KCP: variants seen among roughly 807,000 people sequenced by gnomAD.
KCP encodes the protein kielin cysteine rich BMP regulator.
In KCP, 194 loss-of-function variants were observed where a neutral mutation model predicts 212.7. The observed-to-expected ratio is 0.91, with a 90% CI of 0.81 to 1.03. The LOEUF is 1.03. Ranked by LOEUF, KCP falls within the 50% of genes least tolerant of loss-of-function variation. The pLI is 0.00. For missense variants in KCP, 2,080 were observed against 2,162.5 expected (o/e 0.96, Z 0.76); for synonymous variants, 833 against 865.3 (o/e 0.96, Z 0.65).
At chr7:128,900,750 A>AAG in intron 8 of KCP, among the ~76,000 whole-genome samples, 1 of 152,216 alleles carries the variant, frequency 6.6e-6, no homozygotes, top group Non-Finnish European at 1.5e-5. Context: ...CCCTGAACAC[A>AAG]AGAGAGAGAG....
intron 5 of KCP, among the ~76,000 whole-genome samples, chr7:128,905,685 C>G (rs1473231177): frequency 1.3e-5 from 2 of 152,238 alleles, no homozygotes; most frequent in Admixed American, 1.3e-4. Context: ...CAATACCCCC[C>G]ACTGCCCATA....
At chr7:128,891,149 C>G in intron 19 of KCP, 36 bp downstream of exon 19, 1 of 1,538,686 alleles carries the variant, frequency 6.5e-7, no homozygotes, top group Middle Eastern at 1.8e-4. Context: ...CCGAGGGGAC[C>G]CCCAGGGAGG....
intron 8 of KCP, among the ~76,000 whole-genome samples, chr7:128,900,755 A>G (rs1794797070): frequency 6.6e-6 from 1 of 152,218 alleles, no homozygotes; most frequent in Non-Finnish European, 1.5e-5. Context: ...AACACAAGAG[A>G]GAGAGACCCT....
rs888447081 is a variant in KCP at position 128,894,228 on chromosome 7, G to A, written c.897C>T (p.Leu299=). Residue 299 remains leucine, a synonymous_variant, in exon 9 of 40, where the codon CTC becomes CTT. Coordinates refer to ENST00000610776, the MANE Select transcript of KCP (RefSeq NM_001366122.1). The part of the protein sequence containing the change: ...ASLCPYPARP[L]PGTCCPVCDG... ...CACACACAGGGCAGCAGGTGCCTGG[G>A]AGGGGCCGGGCTGGGTATGGACACA... 7 of 1,539,298 alleles carry A rather than the reference G, an allele frequency of 4.5e-6. No homozygotes were observed. The South Asian group carries it at 7.3e-5, about 16-fold the overall frequency.
intron 5 of KCP, 157 bp from the exon 6 acceptor site, chr7:128,904,295 A>G: frequency 1.3e-6 from 2 of 1,552,702 alleles, no homozygotes; most frequent in Non-Finnish European, 1.7e-6. Context: ...GGGCCGGCAG[A>G]TGGGGCAGCA....
At chr7:128,882,492 T>C (rs1247767446) in intron 29 of KCP, among the ~76,000 whole-genome samples, 3 of 152,182 alleles carry the variant, frequency 2.0e-5, no homozygotes, top group Non-Finnish European at 4.4e-5. Flanking sequence ...AGATTAATAA[T>C]ACTTCCCTCA....
intron 5 of KCP, chr7:128,904,372 G>A (rs1229979789): frequency 9.0e-6 from 14 of 1,550,984 alleles, no homozygotes; most frequent in East Asian, 4.9e-5. Context: ...GGCACTGCAC[G>A]GCTCCTGTCT....
chr7:128,893,665 T>G (rs1343263734), intron 11 of KCP, 141 bp downstream of exon 11: 5 of 1,025,384 alleles, frequency 4.9e-6, no homozygotes, highest in Non-Finnish European at 1.4e-6. Flanking sequence ...GGTGCCAGTT[T>G]GCCATGAGAA....
At chr7:128,908,608 G>A (rs574166138) in intron 1 of KCP, 40 bp from the exon 2 acceptor site, 24 of 1,530,984 alleles carry the variant, frequency 1.6e-5, no homozygotes, top group Non-Finnish European at 1.9e-5. Flanking sequence ...TGAGGGTGAG[G>A]GGCTGGCCTG....
At position 128,877,577 on chromosome 7, in the gene KCP, C is replaced by T. The variant is rs766671561; in HGVS notation, c.4525G>A (p.Ala1509Thr). Residue 1509 changes from alanine to threonine, a missense_variant, in exon 39 of 40, where the codon GCT (alanine) becomes ACT (threonine). Transcript: ENST00000610776. ...DLCACGPGSS[A>T]DACLCDALEA... ...AGGGCATCACAGAGGCAGGCATCAG[C>T]GGAGGAGCCAGGGCCACAGGCACAC... 1.6e-5 allele frequency: 25 copies of T among 1,551,464 alleles called. 1 individual carries two copies. The highest frequency in any genetic ancestry group is 1.7e-4 in the Middle Eastern group (1 of 6,014).
At chr7:128,896,154 C>T (rs1794506557) in intron 8 of KCP, among the ~76,000 whole-genome samples, 1 of 152,098 alleles carries the variant, frequency 6.6e-6, no homozygotes, top group Non-Finnish European at 1.5e-5. Flanking sequence ...TCTGGTGAGC[C>T]ATGGAAGGGA....
Position 128,910,709 on chromosome 7 carries a change from C to A in KCP, c.-33G>T, listed in dbSNP as rs780142176. The A allele has an allele frequency of 6.9e-7, 1 of 1,458,652 alleles. No individual in the cohort carries two copies. The highest frequency in any genetic ancestry group is 1.5e-5 in the African/African-American group (1 of 67,900). 90.4% of individuals were successfully genotyped at this position (1,458,652 alleles called of 1,614,324 possible). ...CCGCCTCGCTCGGCTCGCCGTCTGT[C>A]GTCGCGGCTCAGCAGGCGCTGGGGA... On this transcript the variant is annotated 5_prime_UTR_variant, in exon 1 of 40. Coordinates refer to ENST00000610776, the MANE Select transcript of KCP (RefSeq NM_001366122.1).
At position 128,880,034 on chromosome 7, in the gene KCP, G is replaced by A. The variant is rs546837909; in HGVS notation, c.3811C>T (p.Arg1271Trp). The A allele has an allele frequency of 3.9e-5, 61 of 1,548,838 alleles. No homozygotes were observed. In the Middle Eastern group the frequency reaches 5.0e-4, roughly 13 times the overall value. Residue 1271 changes from arginine to tryptophan, a missense_variant, in exon 35 of 40, where the codon CGG becomes TGG. Arg to Trp is a moderately radical substitution (Grantham distance 101). Transcript: ENST00000610776. Reference sequence around the variant, plus strand: ...CCGAAGGCCATGCAGGAAGCGGGCCGAGGCAGGCAGCGGGGGCAGCAGCTG... The same window carrying A: ...CCGAAGGCCATGCAGGAAGCGGGCCAAGGCAGGCAGCGGGGGCAGCAGCTG... Reference protein sequence around the residue: ...PGSCCPRCLPRPASCMAFGDP... With the variant: ...PGSCCPRCLPWPASCMAFGDP...
Position 128,910,606 on chromosome 7 carries a change from G to A in KCP, c.71C>T (p.Ala24Val), listed in dbSNP as rs981064215. ...HLGALALAAG[A>V]EGGAVPREPP... ...CCTCCCGCACCTGGACTCACCTTCC[G>A]CGCCCGCGGCCAGCGCCAGGGCCCC... The change falls in exon 1 of 40, where the codon GCG becomes GTG. Residue 24 changes from alanine to valine, a missense_variant. Coordinates refer to ENST00000610776, the MANE Select transcript of KCP (RefSeq NM_001366122.1). The A allele has an allele frequency of 5.9e-6, 9 of 1,515,450 alleles. No individual in the cohort carries two copies. The highest frequency in any genetic ancestry group is 2.2e-4 in the Middle Eastern group (1 of 4,590). 93.9% of individuals were successfully genotyped at this position (1,515,450 alleles called of 1,614,324 possible).
At chr7:128,908,226 A>C in intron 2 of KCP, among the ~76,000 whole-genome samples, 200 bp downstream of exon 2, 1 of 137,142 alleles carries the variant, frequency 7.3e-6, no homozygotes, top group African/African-American at 3.0e-5. Flanking sequence ...GAAGGAGGGA[A>C]GGAAAGAAGA....
Position 128,907,139 on chromosome 7 carries a change from T to A in KCP, c.448A>T (p.Thr150Ser). 1 of 1,551,344 alleles carries A rather than the reference T, an allele frequency of 6.4e-7. No homozygotes were observed. The change falls in exon 4 of 40, where the codon ACC becomes TCC. Residue 150 changes from threonine (T) to serine (S), a missense_variant. Physicochemically the swap from Thr to Ser is moderately conservative, Grantham distance 58 (BLOSUM62 1). Transcript: ENST00000610776. ...QNGQTYGNGE[T>S]FSPDACTTCR... ...GTGGTGCAGGCATCTGGGGAGAAGG[T>A]CTCCCCGTTGCCGTAGGTCTGGCCA...
chr7:128,896,668 G>A lies in KCP; in HGVS notation c.832-2375C>T, dbSNP rs569708673. 7.9e-5 allele frequency among the ~76,000 whole-genome samples: 12 copies of A among 152,122 alleles called. No homozygotes were observed. The South Asian group carries it at 1.0e-3, about 13-fold the overall frequency. On this transcript the variant is annotated intron_variant, in intron 8 of 39. Transcript: ENST00000610776. ...AGCACTTTGGGAGGCCGAGGAGGGC[G>A]GATCACGAGGTCAAGAGATTGAGAC...
At chr7:128,892,322 C>T (rs1026602964) in intron 16 of KCP, among the ~76,000 whole-genome samples, 192 bp downstream of exon 16, 4 of 152,078 alleles carry the variant, frequency 2.6e-5, no homozygotes, top group Admixed American at 2.0e-4. Flanking sequence ...TAGGTACAGG[C>T]AGGAATAAAC....
rs1793931060 is a variant in KCP at position 128,889,186 on chromosome 7, G to A, written c.2336-147C>T. 5 of 432,124 alleles carry A rather than the reference G, an allele frequency of 1.2e-5. 1 individual carries two copies. In the East Asian group the frequency reaches 2.2e-4, roughly 19 times the overall value. 26.8% of individuals were successfully genotyped at this position (432,124 alleles called of 1,614,324 possible). ...TGGGGGGTCACAGGCCAAGCCCAGG[G>A]GGCAAAGCAGTCGTGAGGGGGGCGG... On this transcript the variant is annotated intron_variant, in intron 21 of 39. Transcript: ENST00000610776.
Sources: gnomAD v4.1 joint callset for allele counts (sites outside exome capture counted in the v4.1 genomes callset) on GRCh38, gnomAD v4.1.1 for gene constraint, MANE v1.5 for transcripts, NCBI Gene and HGNC (gene_info 2026-07-23, HGNC 2026-07-21) for gene names.